Variants in UBN2 observed in about 807,000 individuals in gnomAD.
The protein encoded by UBN2 is ubinuclein 2.
UBN2 carries 35 observed loss-of-function variants against 120.2 expected under a neutral mutation model. The ratio of observed to expected loss-of-function variants is 0.29; its 90% CI spans 0.22 to 0.39. The LOEUF (loss-of-function observed/expected upper bound fraction) is 0.39. Ranked by LOEUF, UBN2 falls within the 10% of genes least tolerant of loss-of-function variation. UBN2 has a pLI of 1.00. For synonymous variants in UBN2, 661 were observed against 648.7 expected (o/e 1.02, Z -0.29); for missense variants, 1,693 against 1,663.2 (o/e 1.02, Z -0.31).
chr7:139,257,712 G>T (rs553648983), intron 3 of UBN2, among the ~76,000 whole-genome samples: 1 of 151,608 alleles, frequency 6.6e-6, no homozygotes, highest in African/African-American at 2.4e-5. Context: ...CACCATGCCC[G>T]GCCTAAATTA....
At chr7:139,267,002 G>A (rs1797117432) in intron 7 of UBN2, among the ~76,000 whole-genome samples, 1 of 152,114 alleles carries the variant, frequency 6.6e-6, no homozygotes, top group Non-Finnish European at 1.5e-5. Flanking sequence ...CAATAATTTT[G>A]CACTCAGAGT....
chr7:139,291,315 C>T (rs570884999), intron 15 of UBN2, among the ~76,000 whole-genome samples: 14 of 140,704 alleles, frequency 9.9e-5, no homozygotes, highest in African/African-American at 3.5e-4. Flanking sequence ...GAGCCAAGAT[C>T]GCAGCACTAC....
At chr7:139,286,892 G>A (rs1036157972) in intron 15 of UBN2, among the ~76,000 whole-genome samples, 4 of 152,114 alleles carry the variant, frequency 2.6e-5, no homozygotes, top group Non-Finnish European at 5.9e-5. Context: ...TCATCATTCT[G>A]CTACTAATGT....
At chr7:139,273,451 AAGT>A (rs2131012031) in intron 10 of UBN2, 41 bp downstream of exon 10, 1 of 1,310,474 alleles carries the variant, frequency 7.6e-7, no homozygotes, top group East Asian at 2.4e-5. Flanking sequence ...TATAATGCAG[AAGT>A]AAGATTCCTC....
At chr7:139,268,063 G>C (rs1424453845) in intron 7 of UBN2, among the ~76,000 whole-genome samples, 1 of 152,106 alleles carries the variant, frequency 6.6e-6, no homozygotes, top group Non-Finnish European at 1.5e-5. Flanking sequence ...TTTTTATTTT[G>C]CTCTTCTGTA....
Position 139,293,943 on chromosome 7 carries a change from A to G in UBN2, c.3956A>G (p.His1319Arg), listed in dbSNP as rs765069908. 14 of 1,613,818 alleles carry G rather than the reference A, an allele frequency of 8.7e-6. No homozygotes were observed. Among genetic ancestry groups the G allele is most frequent in the Admixed American group, 3.3e-5 (2 of 59,966 alleles). ...GGAQHAATLS[H>R]SPLPAHLQQA... The stretch of plus-strand genomic sequence containing the variant: ...GCTCAGCATGCAGCAACGCTTTCCC[A>G]CTCACCTCTGCCTGCACACTTACAG... The change falls in exon 17 of 18, where the codon CAC becomes CGC. Residue 1319 changes from histidine (H) to arginine (R), a missense_variant. By Grantham distance (29) the His-to-Arg change is conservative. Coordinates refer to ENST00000473989, the MANE Select transcript of UBN2 (RefSeq NM_173569.4).
the UBN2 span, among the ~76,000 whole-genome samples, chr7:139,327,528 C>T: frequency 6.6e-6 from 1 of 152,110 alleles, no homozygotes; most frequent in Admixed American, 6.6e-5. Context: ...GGCAAGAAAG[C>T]AAAAGGGGCC....
chr7:139,243,426 G>A (rs1407474502), intron 2 of UBN2, among the ~76,000 whole-genome samples: 2 of 152,068 alleles, frequency 1.3e-5, no homozygotes, highest in East Asian at 1.9e-4. Flanking sequence ...TTGCAGTAAG[G>A]GTACTGAAAA....
At chr7:139,297,676 C>T in intron 17 of UBN2, 111 bp from the exon 18 acceptor site, 1 of 928,228 alleles carries the variant, frequency 1.1e-6, no homozygotes, top group Non-Finnish European at 1.7e-6. Flanking sequence ...GATATCTTTT[C>T]AGAGATGTCA....
chr7:139,244,148 A>C (rs563276405), intron 2 of UBN2, among the ~76,000 whole-genome samples: 1 of 152,294 alleles, frequency 6.6e-6, no homozygotes, highest in Admixed American at 6.5e-5. Flanking sequence ...AGCTATGTGT[A>C]TGTGGGCAGT....
At chr7:139,289,757 AAG>A (rs1797896947) in intron 15 of UBN2, among the ~76,000 whole-genome samples, 2 of 151,980 alleles carry the variant, frequency 1.3e-5, no homozygotes, top group South Asian at 4.1e-4. Context: ...TCCTTCAGAA[AAG>A]CTTTAAAAGA....
Position 139,231,949 on chromosome 7 carries a change from A to G in UBN2, c.465A>G (p.Gln155=), listed in dbSNP as rs907466735. The G allele has an allele frequency of 5.1e-6, 8 of 1,579,432 alleles. No homozygotes were observed. Among genetic ancestry groups the G allele is most frequent in the African/African-American group, 4.2e-5 (3 of 71,834 alleles). ...CGGAGCTGCTGCTGTGCGGAGAACA[A>G]CGGGTACAGAAGATTCTTCCCTCCT... ...SYPELLLCGE[Q]RKKLIHTEDP... is the part of the protein sequence containing the mutation. The change falls in exon 1 of 18, where the codon CAA becomes CAG. Residue 155 remains glutamine, a synonymous_variant. Transcript: ENST00000473989.
At chr7:139,311,763 CATAG>C (rs1451291149), downstream of UBN2, among the ~76,000 whole-genome samples, 4 of 152,186 alleles carry the variant, frequency 2.6e-5, no homozygotes, top group Admixed American at 2.0e-4. Context: ...AAAGTACAGG[CATAG>C]ATAGATAGCA....
intron 2 of UBN2, among the ~76,000 whole-genome samples, chr7:139,249,035 T>TGTGTATGC (rs1554470532): frequency 6.6e-6 from 1 of 152,076 alleles, no homozygotes; most frequent in African/African-American, 2.4e-5. Flanking sequence ...TGTGTGTGTG[T>TGTGTATGC]ATGCATGTAT....
chr7:139,310,210 G>A (rs147338969), downstream of UBN2, among the ~76,000 whole-genome samples: 14 of 151,252 alleles, frequency 9.3e-5, no homozygotes, highest in African/African-American at 3.2e-4. Flanking sequence ...ATAAAGATTT[G>A]TTTTGCTTTG....
At position 139,261,202 on chromosome 7, in the gene UBN2, T is replaced by G. The variant is rs753673091; in HGVS notation, c.906-50T>G. On this transcript the variant is annotated intron_variant, in intron 5 of 17. Coordinates refer to ENST00000473989, the MANE Select transcript of UBN2 (RefSeq NM_173569.4). Reference sequence around the variant, plus strand: ...TGTGCCTGCTTATTTATGTGACACTTTAACGTTTAAAATCACACATAGCCT... The same window carrying G: ...TGTGCCTGCTTATTTATGTGACACTGTAACGTTTAAAATCACACATAGCCT... 3.9e-6 allele frequency: 6 copies of G among 1,528,702 alleles called. No individual in the cohort carries two copies. The South Asian group carries it at 8.0e-5, about 20-fold the overall frequency. 94.7% of individuals were successfully genotyped at this position (1,528,702 alleles called of 1,614,324 possible).
chr7:139,290,179 C>T (rs1165134663), intron 15 of UBN2, among the ~76,000 whole-genome samples: 1 of 152,176 alleles, frequency 6.6e-6, no homozygotes, highest in Non-Finnish European at 1.5e-5. Flanking sequence ...CATGATCCGC[C>T]CACCTTGGCC....
chr7:139,251,962 A>G lies in UBN2; in HGVS notation c.568A>G (p.Lys190Glu), dbSNP rs757768437. 3.1e-6 allele frequency: 5 copies of G among 1,614,068 alleles called. No individual in the cohort carries two copies. The highest frequency in any genetic ancestry group is 3.3e-5 in the Admixed American group (2 of 60,028). Reference sequence around the variant, plus strand: ...ATGTATCTGTTCTTTGCAGGGTGGGAAACCCCGTAAACACCGGAAGGATCG... The same window carrying G: ...ATGTATCTGTTCTTTGCAGGGTGGGGAACCCCGTAAACACCGGAAGGATCG... ...AKKFEMKYGG[K>E]PRKHRKDRLQ... The change falls in exon 3 of 18, where the codon AAA (lysine) becomes GAA (glutamate). Residue 190 changes from lysine (K) to glutamate (E), a missense_variant. Coordinates refer to ENST00000473989, the MANE Select transcript of UBN2 (RefSeq NM_173569.4).
intron 2 of UBN2, among the ~76,000 whole-genome samples, chr7:139,243,124 G>C (rs1410038574): frequency 6.6e-6 from 1 of 152,178 alleles, no homozygotes; most frequent in African/African-American, 2.4e-5. Context: ...TTGTTTTCCA[G>C]TTGAGTGTTA....
Sources: gnomAD v4.1 joint callset for allele counts (sites outside exome capture counted in the v4.1 genomes callset) on GRCh38, gnomAD v4.1.1 for gene constraint, MANE v1.5 for transcripts, NCBI Gene and HGNC (gene_info 2026-07-23, HGNC 2026-07-21) for gene names.